PTPRD: variants seen among roughly 807,000 people sequenced by gnomAD.
PTPRD encodes receptor-type tyrosine-protein phosphatase delta.
Under a neutral mutation model 214.5 loss-of-function variants are expected in PTPRD, and 34 were observed. That is an observed-to-expected ratio of 0.16 (90% CI 0.12 to 0.21). The LOEUF is 0.21. Among genes scored for constraint, PTPRD ranks in the 10% least tolerant of loss-of-function variants. The pLI is 1.00. For missense variants in PTPRD, 2,545 were observed against 2,398.7 expected, an observed-to-expected ratio of 1.06 and a Z score of -1.27; for synonymous variants, 1,128 against 845.7, an observed-to-expected ratio of 1.33 and a Z score of -5.79.
intron 11 of PTPRD, among the ~76,000 whole-genome samples, chr9:8,922,410 A>C (rs1430103277): frequency 1.3e-5 from 2 of 152,200 alleles, no homozygotes; most frequent in Admixed American, 1.3e-4. Context: ...TAAATGAACC[A>C]TTACTCCATG....
At chr9:8,556,772 G>A (rs1482406822) in intron 14 of PTPRD, among the ~76,000 whole-genome samples, 1 of 151,996 alleles carries the variant, frequency 6.6e-6, no homozygotes, top group East Asian at 1.9e-4. Flanking sequence ...AATCCAAGCA[G>A]AAAATATTTG....
At chr9:9,618,698 T>C (rs2095053496) in intron 7 of PTPRD, among the ~76,000 whole-genome samples, 2 of 152,180 alleles carry the variant, frequency 1.3e-5, no homozygotes, top group Admixed American at 6.5e-5. Flanking sequence ...GATATTCAAA[T>C]ACAAATATCA....
rs946227117 is a variant in PTPRD at position 9,207,344 on chromosome 9, G to A, written c.-202-23981C>T. ...CATTAAGTTACACATAGAATTCGGG[G>A]TGCAGATGTTACTTTGAGAGATGTC... On this transcript the variant is annotated intron_variant, in intron 9 of 45. Transcript: ENST00000381196. Among the ~76,000 whole-genome samples the A allele has an allele frequency of 2.3e-4, 35 of 152,084 alleles. 3 individuals are homozygous for A. The highest frequency in any genetic ancestry group is 1.9e-3 in the Admixed American group (29 of 15,256).
intron 3 of PTPRD, among the ~76,000 whole-genome samples, chr9:10,100,823 G>C (rs992543288): frequency 3.3e-5 from 5 of 151,354 alleles, no homozygotes; most frequent in Non-Finnish European, 5.9e-5. Flanking sequence ...TTTTGTAGAA[G>C]AGAAAATTGA....
At chr9:9,722,308 A>G (rs1172279087) in intron 7 of PTPRD, among the ~76,000 whole-genome samples, 3 of 152,102 alleles carry the variant, frequency 2.0e-5, no homozygotes, top group Non-Finnish European at 2.9e-5. Context: ...TCAGGTAAAC[A>G]TAATAATAAA....
rs188669950 is a variant in PTPRD at position 8,706,233 on chromosome 9, C to T, written c.64+27547G>A. Among the ~76,000 whole-genome samples the T allele has an allele frequency of 2.3e-3, 356 of 152,222 alleles. 2 individuals are homozygous for T. The highest frequency in any genetic ancestry group is 8.0e-3 in the African/African-American group (333 of 41,530). ...GATCTTGATCAAACCAAGCTTACTACGGAAGTTCTTCTGAAATTAGATATA... is the reference window on the plus strand; with the variant it reads ...GATCTTGATCAAACCAAGCTTACTATGGAAGTTCTTCTGAAATTAGATATA... On this transcript the variant is annotated intron_variant, in intron 12 of 45. Transcript: ENST00000381196.
intron 3 of PTPRD, among the ~76,000 whole-genome samples, chr9:10,224,281 C>G (rs1020246765): frequency 6.6e-6 from 1 of 151,780 alleles, no homozygotes; most frequent in Non-Finnish European, 1.5e-5. Context: ...GCAGATTAGT[C>G]AAATAAAGAG....
intron 3 of PTPRD, among the ~76,000 whole-genome samples, chr9:10,169,473 C>CAAAAAAAAAAAAAAAAAAAAAAAAAA: frequency 1.5e-5 from 1 of 66,846 alleles, no homozygotes; most frequent in African/African-American, 7.1e-5. Context: ...GACTCTGTCT[C>CAAAAAAAAAAAAAAAAAAAAAAAAAA]AAAAAAAAAA....
rs1001694434 is a variant in PTPRD at position 8,405,637 on chromosome 9, T to A, written c.4087-977A>T. Among the ~76,000 whole-genome samples, 3 of 152,198 alleles carry A rather than the reference T, an allele frequency of 2.0e-5. No individual in the cohort carries two copies. In the East Asian group the frequency reaches 5.8e-4, roughly 29 times the overall value. On this transcript the variant is annotated intron_variant, in intron 35 of 45. Coordinates refer to ENST00000381196, the MANE Select transcript of PTPRD (RefSeq NM_002839.4). ...GGCTACTGATAACATTTAAGATTTA[T>A]AATTTCATTGTTATATGGAAACACA...
At chr9:10,162,471 C>T (rs1164647768) in intron 3 of PTPRD, among the ~76,000 whole-genome samples, 2 of 150,818 alleles carry the variant, frequency 1.3e-5, no homozygotes, top group Admixed American at 1.3e-4. Flanking sequence ...CATATTCTCA[C>T]TCCTATGTGG....
chr9:9,955,195 C>A (rs1350954851), intron 4 of PTPRD, among the ~76,000 whole-genome samples: 1 of 152,116 alleles, frequency 6.6e-6, no homozygotes, highest in Non-Finnish European at 1.5e-5. Context: ...TCCAGTATAA[C>A]ACTGGAAAGG....
intron 8 of PTPRD, among the ~76,000 whole-genome samples, chr9:9,524,670 C>T (rs977985304): frequency 5.9e-5 from 9 of 152,168 alleles, no homozygotes; most frequent in African/African-American, 2.2e-4. Flanking sequence ...CTATCCTTAA[C>T]GTATAGTCAT....
At chr9:8,761,882 T>C (rs1212501663) in intron 11 of PTPRD, among the ~76,000 whole-genome samples, 1 of 152,142 alleles carries the variant, frequency 6.6e-6, no homozygotes, top group Non-Finnish European at 1.5e-5. Context: ...GTGGCCTACA[T>C]GTGGATACAG....
At chr9:8,626,781 G>T (rs1019357274) in intron 14 of PTPRD, among the ~76,000 whole-genome samples, 1 of 151,628 alleles carries the variant, frequency 6.6e-6, no homozygotes, top group Non-Finnish European at 1.5e-5. Context: ...TCTTCAGCTT[G>T]CCAGCCTGTG....
At chr9:9,424,925 T>A (rs1229263491) in intron 8 of PTPRD, among the ~76,000 whole-genome samples, 1 of 152,196 alleles carries the variant, frequency 6.6e-6, no homozygotes, top group African/African-American at 2.4e-5. Flanking sequence ...AATGCACCAA[T>A]CAAGAATTAG....
At chr9:8,977,870 C>T (rs1353650713) in intron 11 of PTPRD, among the ~76,000 whole-genome samples, 2 of 151,852 alleles carry the variant, frequency 1.3e-5, no homozygotes, top group Admixed American at 6.6e-5. Flanking sequence ...AATGGAAAAA[C>T]GTAATATAGC....
Position 8,647,246 on chromosome 9 carries a change from T to A in PTPRD, c.65-10402A>T, listed in dbSNP as rs150050002. Among the ~76,000 whole-genome samples the A allele has an allele frequency of 3.4e-4, 52 of 152,342 alleles. No homozygotes were observed. The East Asian group carries it at 9.1e-3, about 27-fold the overall frequency. On this transcript the variant is annotated intron_variant, in intron 12 of 45. Coordinates refer to ENST00000381196, the MANE Select transcript of PTPRD (RefSeq NM_002839.4). ...TCTTCCCCTCTACCACCTTTTGTGT[T>A]TTTAATTTTTAAGTAAAATGACTTT...
intron 2 of PTPRD, among the ~76,000 whole-genome samples, chr9:10,577,499 T>C (rs1054104492): frequency 6.6e-6 from 1 of 152,214 alleles, no homozygotes; most frequent in Non-Finnish European, 1.5e-5. Flanking sequence ...TATCACTCTG[T>C]TCTCCTGTTG....
At chr9:8,653,325 GT>G (rs968485894) in intron 12 of PTPRD, among the ~76,000 whole-genome samples, 1 of 152,104 alleles carries the variant, frequency 6.6e-6, no homozygotes, top group Non-Finnish European at 1.5e-5. Context: ...CAAAAACAGT[GT>G]TTAGAAATTG....
Sources: allele counts gnomAD v4.1 joint callset (sites outside exome capture counted in the v4.1 genomes callset), GRCh38; gene constraint gnomAD v4.1.1; transcripts MANE v1.5; gene names NCBI Gene and HGNC (gene_info 2026-07-23, HGNC 2026-07-21).